The following POFUT3 variants were observed in gnomAD, a reference collection of about 807,000 sequenced individuals.
The protein encoded by POFUT3 is GDP-fucose protein O-fucosyltransferase 3.
At chr8:33,319,736 T>TTA in the POFUT3 span, among the ~76,000 whole-genome samples, 1 of 64,662 alleles carries the variant, frequency 1.5e-5, no homozygotes, top group Non-Finnish European at 2.5e-5. Flanking sequence ...AATGTATATT[T>TTA]TATATATATT....
the POFUT3 span, chr8:33,453,128 T>C: frequency 1.5e-6 from 2 of 1,325,082 alleles, no homozygotes; most frequent in Non-Finnish European, 1.1e-6. Context: ...CAAGGGGAGC[T>C]CCACCATCAC....
the POFUT3 span, among the ~76,000 whole-genome samples, chr8:33,419,953 C>A: frequency 6.6e-6 from 1 of 152,012 alleles, no homozygotes; most frequent in African/African-American, 2.4e-5. Context: ...CATGGTGAAA[C>A]CCTGTCTCTA....
chr8:33,445,931 C>T, the POFUT3 span, among the ~76,000 whole-genome samples: 1 of 152,182 alleles, frequency 6.6e-6, no homozygotes, highest in Non-Finnish European at 1.5e-5. Flanking sequence ...CTACCAGACC[C>T]ACCCAAAGAC....
chr8:33,436,483 T>A, the POFUT3 span: 1 of 1,382,394 alleles, frequency 7.2e-7, no homozygotes, highest in Non-Finnish European at 1.0e-6. Context: ...GGTTTTGCTC[T>A]CATTCGTGCT....
chr8:33,458,010 C>T, the POFUT3 span, among the ~76,000 whole-genome samples: 1 of 152,136 alleles, frequency 6.6e-6, no homozygotes, highest in East Asian at 1.9e-4. Flanking sequence ...AGTCCTTACT[C>T]CCAGTACTTT....
the POFUT3 span, chr8:33,389,167 G>GTAAC: frequency 6.2e-7 from 1 of 1,613,906 alleles, no homozygotes; most frequent in African/African-American, 1.3e-5. Context: ...GTCGTCTGAT[G>GTAAC]TAACTTGCCA....
At chr8:33,369,365 A>G in the POFUT3 span, among the ~76,000 whole-genome samples, 1 of 152,212 alleles carries the variant, frequency 6.6e-6, no homozygotes, top group Non-Finnish European at 1.5e-5. Flanking sequence ...AAGCATTTTT[A>G]TGTCTGTAAT....
At chr8:33,444,905 A>T in the POFUT3 span, among the ~76,000 whole-genome samples, 1 of 151,186 alleles carries the variant, frequency 6.6e-6, no homozygotes, top group Non-Finnish European at 1.5e-5. Flanking sequence ...GATATATATA[A>T]AATCTATTGT....
the POFUT3 span, among the ~76,000 whole-genome samples, chr8:33,446,793 G>A: frequency 1.4e-4 from 21 of 152,160 alleles, no homozygotes; most frequent in South Asian, 6.2e-4. Context: ...AATGCCATTC[G>A]GTTCATTAAA....
chr8:33,414,170 C>T, the POFUT3 span, among the ~76,000 whole-genome samples: 3 of 152,010 alleles, frequency 2.0e-5, no homozygotes, highest in East Asian at 1.9e-4. Flanking sequence ...CACCAAGAGG[C>T]GATTAAAAGT....
the POFUT3 span, among the ~76,000 whole-genome samples, chr8:33,397,726 G>A: frequency 6.6e-6 from 1 of 152,136 alleles, no homozygotes; most frequent in Non-Finnish European, 1.5e-5. Flanking sequence ...ATCACACTCT[G>A]GTTAGTTGGT....
chr8:33,438,288 T>C, the POFUT3 span, among the ~76,000 whole-genome samples: 2 of 128,598 alleles, frequency 1.6e-5, no homozygotes, highest in African/African-American at 3.3e-5. Context: ...CAGCAAGACA[T>C]AGATTCTGGC....
chr8:33,399,046 G>T, the POFUT3 span, among the ~76,000 whole-genome samples: 1 of 152,046 alleles, frequency 6.6e-6, no homozygotes, highest in East Asian at 1.9e-4. Context: ...TGTTGTTGTT[G>T]TTGTTGTTTC....
At chr8:33,462,798 G>A in the POFUT3 span, among the ~76,000 whole-genome samples, 242 of 152,132 alleles carry the variant, frequency 1.6e-3, 1 homozygote, top group Non-Finnish European at 2.9e-3. Context: ...GGGCATGGGG[G>A]TGTGCACCTA....
the POFUT3 span, among the ~76,000 whole-genome samples, chr8:33,445,737 A>G: frequency 3.3e-5 from 5 of 152,100 alleles, no homozygotes; most frequent in Non-Finnish European, 2.9e-5. Context: ...GAGACCAGAG[A>G]CCTCTGCAGA....
At chr8:33,389,521 C>T in the POFUT3 span, 1 of 1,614,072 alleles carries the variant, frequency 6.2e-7, no homozygotes, top group African/African-American at 1.3e-5. Flanking sequence ...CACAGTCTGA[C>T]TGTACATACA....
At chr8:33,436,435 C>G in the POFUT3 span, 3 of 1,444,884 alleles carry the variant, frequency 2.1e-6, no homozygotes, top group African/African-American at 4.2e-5. Flanking sequence ...CTTATTGGTA[C>G]AGGTGGGACT....
At chr8:33,373,685 G>A in the POFUT3 span, among the ~76,000 whole-genome samples, 783 of 152,010 alleles carry the variant, frequency 5.2e-3, 9 homozygotes, top group African/African-American at 0.018. Context: ...AAAAAGAAAA[G>A]TAAAAGAGAA....
chr8:33,447,233 A>G, the POFUT3 span, among the ~76,000 whole-genome samples: 1 of 152,156 alleles, frequency 6.6e-6, no homozygotes, highest in African/African-American at 2.4e-5. Flanking sequence ...GAGGATCACG[A>G]GGTCAGGAGA....
Sources: allele counts gnomAD v4.1 joint callset (sites outside exome capture counted in the v4.1 genomes callset), GRCh38; gene constraint gnomAD v4.1.1; transcripts MANE v1.5; gene names NCBI Gene and HGNC (gene_info 2026-07-23, HGNC 2026-07-21).